Variants in SLC2A9 observed in about 807,000 individuals in gnomAD.
The protein encoded by SLC2A9 is solute carrier family 2, facilitated glucose transporter member 9.
In SLC2A9, 39 loss-of-function variants were observed where a neutral mutation model predicts 50.6. That is an observed-to-expected ratio of 0.77 (90% confidence interval 0.60 to 1.01). The LOEUF (loss-of-function observed/expected upper bound fraction) is 1.01, where lower values mean the gene tolerates loss of function less well. SLC2A9 is among the 50% of genes least tolerant of loss of function. SLC2A9 has a pLI of 0.00. For missense variants in SLC2A9, 686 were observed against 677.6 expected (o/e 1.01, Z -0.14); for synonymous variants, 324 against 276.9 (o/e 1.17, Z -1.69).
intron 3 of SLC2A9, among the ~76,000 whole-genome samples, chr4:9,790,513 A>G (rs936160480): frequency 4.6e-5 from 7 of 152,150 alleles, no homozygotes; most frequent in Admixed American, 4.6e-4. Context: ...GGCTGCCTGG[A>G]GTCCTGGGAT....
chr4:10,036,926 T>C (rs947772440), intron 1 of SLC2A9, among the ~76,000 whole-genome samples: 4 of 152,198 alleles, frequency 2.6e-5, no homozygotes, highest in African/African-American at 9.7e-5. Flanking sequence ...CCGCTCCTCC[T>C]TGGGCTTGCT....
intron 3 of SLC2A9, among the ~76,000 whole-genome samples, chr4:9,780,595 C>T (rs887194613): frequency 1.2e-4 from 18 of 152,196 alleles, no homozygotes; most frequent in African/African-American, 4.3e-4. Flanking sequence ...CCTCACCATG[C>T]TGCAGGTGTC....
At chr4:9,784,945 A>G (rs1304606510) in intron 3 of SLC2A9, among the ~76,000 whole-genome samples, 1 of 152,210 alleles carries the variant, frequency 6.6e-6, no homozygotes, top group Admixed American at 6.5e-5. Context: ...ATAGTGCTTA[A>G]TAAATATTTG....
intron 3 of SLC2A9, among the ~76,000 whole-genome samples, chr4:9,787,919 C>T (rs935445957): frequency 1.1e-4 from 17 of 152,140 alleles, no homozygotes; most frequent in African/African-American, 4.1e-4. Context: ...ACGGTGCTGT[C>T]CACTGTTTTA....
chr4:9,780,637 G>A (rs185411990), intron 3 of SLC2A9, among the ~76,000 whole-genome samples: 1 of 152,330 alleles, frequency 6.6e-6, no homozygotes, highest in Admixed American at 6.5e-5. Context: ...GAGCTATGCA[G>A]CTGGCTGCTG....
intron 4 of SLC2A9, among the ~76,000 whole-genome samples, chr4:9,984,551 T>C (rs1756398731): frequency 6.6e-6 from 1 of 152,224 alleles, no homozygotes; most frequent in East Asian, 1.9e-4. Context: ...ATTAAGTAAC[T>C]TGCAGCAGAA....
At chr4:9,946,883 T>C (rs754160766) in intron 5 of SLC2A9, among the ~76,000 whole-genome samples, 10 of 152,170 alleles carry the variant, frequency 6.6e-5, no homozygotes, top group Non-Finnish European at 1.5e-5. Context: ...TATCCTAGAA[T>C]CACAATTTCA....
At chr4:10,002,881 A>T (rs1257784887) in intron 2 of SLC2A9, among the ~76,000 whole-genome samples, 3 of 152,054 alleles carry the variant, frequency 2.0e-5, no homozygotes, top group Non-Finnish European at 1.5e-5. Context: ...AATATCAACT[A>T]TATCAACTAA....
chr4:9,920,259 G>A (rs1180168214), intron 7 of SLC2A9, 126 bp downstream of exon 7: 2 of 969,096 alleles, frequency 2.1e-6, no homozygotes, highest in African/African-American at 3.2e-5. Flanking sequence ...TTACCTAACA[G>A]CATAGAGTTT....
intron 3 of SLC2A9, among the ~76,000 whole-genome samples, chr4:9,812,353 T>C (rs1722997334): frequency 6.6e-6 from 1 of 152,198 alleles, no homozygotes. Context: ...CTTAAAGTTA[T>C]TTAATTAGAA....
chr4:9,878,855 G>A (rs1311042060), intron 10 of SLC2A9, among the ~76,000 whole-genome samples: 1 of 152,014 alleles, frequency 6.6e-6, no homozygotes, highest in Non-Finnish European at 1.5e-5. Context: ...TCAGAATTGA[G>A]CTGAATTGTT....
Position 9,930,019 on chromosome 4 carries a change from T to C in SLC2A9, c.815-9447A>G, listed in dbSNP as rs144822348. ...ACTCTGGGGAGCTGGGGCTTCCAGATACAAATTAGGGGTGGTGAGGAGCAC... is the reference window on the plus strand; with the variant it reads ...ACTCTGGGGAGCTGGGGCTTCCAGACACAAATTAGGGGTGGTGAGGAGCAC... On this transcript the variant is annotated intron_variant, in intron 6 of 11. Transcript: ENST00000264784. Among the ~76,000 whole-genome samples, 424 of 152,244 alleles carry C rather than the reference T, an allele frequency of 2.8e-3. 6 individuals carry two copies. The highest frequency in any genetic ancestry group is 9.9e-3 in the African/African-American group (413 of 41,530).
At chr4:10,001,859 G>A (rs373995116) in intron 2 of SLC2A9, among the ~76,000 whole-genome samples, 1 of 152,222 alleles carries the variant, frequency 6.6e-6, no homozygotes, top group East Asian at 1.9e-4. Context: ...TCCTGCCTCA[G>A]AATCCTGAGT....
At chr4:9,794,311 C>T (rs576962005), downstream of SLC2A9, among the ~76,000 whole-genome samples, 36 of 152,292 alleles carry the variant, frequency 2.4e-4, no homozygotes, top group East Asian at 5.4e-3. Context: ...CCCACCACCA[C>T]GCCCGGCTAA....
chr4:9,894,405 C>T (rs983745557), intron 8 of SLC2A9, among the ~76,000 whole-genome samples: 3 of 152,098 alleles, frequency 2.0e-5, no homozygotes, highest in Non-Finnish European at 4.4e-5. Flanking sequence ...AAAATATATG[C>T]AGAAATAGTT....
In SLC2A9 at chr4:9,949,748, C is replaced by A. The variant is rs1749869094; in HGVS notation, c.682-7703G>T. ...TCTATCAGGCTGAACCTGTCACACTCCTCTATGGCAGGTCCTATACAGAAC... is the reference window on the plus strand; with the variant it reads ...TCTATCAGGCTGAACCTGTCACACTACTCTATGGCAGGTCCTATACAGAAC... On this transcript the variant is annotated intron_variant, in intron 5 of 11. Transcript: ENST00000264784. Among the ~76,000 whole-genome samples, 5 of 152,204 alleles carry A rather than the reference C, an allele frequency of 3.3e-5. No homozygotes were observed. In the South Asian group the frequency reaches 1.0e-3, roughly 32 times the overall value.
intron 4 of SLC2A9, among the ~76,000 whole-genome samples, chr4:9,983,569 G>T (rs918168238): frequency 6.6e-6 from 1 of 152,274 alleles, no homozygotes; most frequent in African/African-American, 2.4e-5. Context: ...ACAGGCGTGA[G>T]ACCATCCCAG....
chr4:9,838,163 G>A (rs1249503202), intron 10 of SLC2A9, among the ~76,000 whole-genome samples: 1 of 152,182 alleles, frequency 6.6e-6, no homozygotes, highest in Non-Finnish European at 1.5e-5. Context: ...CTGAAGCTAA[G>A]AGAAGGGGAG....
At position 9,791,518 on chromosome 4, in the gene SLC2A9, A is replaced by C. The variant is rs556676526; in HGVS notation, n.386-11453T>G. On this transcript the variant is annotated intron_variant and non_coding_transcript_variant, in intron 3 of 3. Transcript: ENST00000503803. ...CTGAAGGGGGAGGAGATTTTTAGGG[A>C]TCTTGGGAGGACCCAAGTGTATTTT... Among the ~76,000 whole-genome samples, 28 of 152,278 alleles carry C rather than the reference A, an allele frequency of 1.8e-4. No homozygotes were observed. The South Asian group carries it at 1.9e-3, about 10-fold the overall frequency.
Sources: allele counts gnomAD v4.1 joint callset (sites outside exome capture counted in the v4.1 genomes callset), GRCh38; gene constraint gnomAD v4.1.1; transcripts MANE v1.5; gene names NCBI Gene and HGNC (gene_info 2026-07-23, HGNC 2026-07-21).